The following LRP5 variants were observed in gnomAD, a reference collection of about 807,000 sequenced individuals.
LRP5 encodes low-density lipoprotein receptor-related protein 5.
In LRP5, 62 loss-of-function variants were observed where a neutral mutation model predicts 154.1. That is an observed-to-expected ratio of 0.40 (90% confidence interval 0.33 to 0.50). LRP5 has a LOEUF of 0.50. Among genes scored for constraint, LRP5 ranks in the 20% least tolerant of loss-of-function variants. The pLI is 0.55. For missense variants in LRP5, 1,915 were observed against 2,336.7 expected (o/e 0.82, Z 3.72); for synonymous variants, 966 against 1,011.5 (o/e 0.96, Z 0.85).
At chr11:68,318,989 C>T (rs2098595109) in intron 1 of LRP5, among the ~76,000 whole-genome samples, 1 of 152,176 alleles carries the variant, frequency 6.6e-6, no homozygotes, top group Admixed American at 6.5e-5. Context: ...ATCCTGAGGC[C>T]TCTGGATCGC....
At chr11:68,445,624 A>C in intron 21 of LRP5, 1 of 1,318,282 alleles carries the variant, frequency 7.6e-7, no homozygotes, top group African/African-American at 1.5e-5. Flanking sequence ...GACCCACATA[A>C]GCCCTACACC....
chr11:68,403,430 T>G, intron 7 of LRP5, 53 bp from the exon 8 acceptor site: 1 of 1,549,046 alleles, frequency 6.5e-7, no homozygotes, highest in South Asian at 1.1e-5. Flanking sequence ...CCGGGTTGGC[T>G]CTCGTTGGTG....
chr11:68,351,700 C>T (rs1336680915), intron 2 of LRP5, among the ~76,000 whole-genome samples: 1 of 152,202 alleles, frequency 6.6e-6, no homozygotes, highest in Non-Finnish European at 1.5e-5. Flanking sequence ...GGGTATAGCC[C>T]AGTCTCTGGC....
intron 13 of LRP5, among the ~76,000 whole-genome samples, chr11:68,421,332 G>A (rs533701649): frequency 1.5e-4 from 23 of 152,218 alleles, no homozygotes; most frequent in Non-Finnish European, 2.2e-4. Flanking sequence ...TTTTGTGCCC[G>A]GGAGGAGTGT....
At chr11:68,325,031 G>A (rs143975194) in intron 1 of LRP5, among the ~76,000 whole-genome samples, 98 of 152,286 alleles carry the variant, frequency 6.4e-4, no homozygotes, top group African/African-American at 2.3e-3. Context: ...TGCACAGCCC[G>A]GTTCTGACCA....
intron 1 of LRP5, among the ~76,000 whole-genome samples, chr11:68,344,297 C>T (rs1187341758): frequency 6.6e-6 from 1 of 152,074 alleles, no homozygotes. Context: ...TTATAACATC[C>T]CATTTTTTGA....
At chr11:68,377,426 A>T (rs2098637979) in intron 5 of LRP5, among the ~76,000 whole-genome samples, 1 of 152,128 alleles carries the variant, frequency 6.6e-6, no homozygotes, top group Non-Finnish European at 1.5e-5. Flanking sequence ...GGCACCGTGC[A>T]GGTGACAGTG....
chr11:68,304,502 C>A, the LRP5 span, among the ~76,000 whole-genome samples: 1 of 152,270 alleles, frequency 6.6e-6, no homozygotes, highest in East Asian at 1.9e-4. Context: ...AGAGTCCCCA[C>A]TGGGACAATG....
In LRP5 at chr11:68,448,937, C is replaced by T; in HGVS notation, c.4715C>T (p.Pro1572Leu). 6.2e-7 allele frequency: 1 copy of T among 1,613,484 alleles called. No homozygotes were observed. The highest frequency in any genetic ancestry group is 8.5e-7 in the Non-Finnish European group (1 of 1,179,992). Reference sequence around the variant, plus strand: ...CTGGATTTGAACTCGGACTCAGACCCCTATCCACCCCCACCCACGCCCCAC... The same window carrying T: ...CTGGATTTGAACTCGGACTCAGACCTCTATCCACCCCCACCCACGCCCCAC... ...YYLDLNSDSD[P>L]YPPPPTPHSQ... The change falls in exon 23 of 23, where the codon CCC (proline) becomes CTC (leucine). Residue 1572 changes from proline (P) to leucine (L), a missense_variant. Physicochemically the swap from Pro to Leu is moderately conservative, Grantham distance 98. Around this residue, in one of 3 missense-constraint regions of LRP5, gnomAD observed 1,094 missense variants for 1,210.1 expected, o/e 0.90. Coordinates refer to ENST00000294304, the MANE Select transcript of LRP5 (RefSeq NM_002335.4).
intron 21 of LRP5, 73 bp downstream of exon 21, chr11:68,439,989 C>G (rs902345358): frequency 7.2e-7 from 1 of 1,387,880 alleles, no homozygotes; most frequent in South Asian, 1.5e-5. Flanking sequence ...TGCTGGCCAC[C>G]GGAGGCTTCC....
chr11:68,333,428 T>C (rs2098604003), intron 1 of LRP5, among the ~76,000 whole-genome samples: 1 of 152,244 alleles, frequency 6.6e-6, no homozygotes, highest in South Asian at 2.1e-4. Context: ...TGAACTTTGC[T>C]GTGCTCAGAA....
rs531334905 is a variant in LRP5, at chr11:68,415,717, G to C, written c.2828-611G>C. Among the ~76,000 whole-genome samples the C allele has an allele frequency of 9.2e-5, 6 of 65,246 alleles. 2 individuals are homozygous for C. The highest frequency in any genetic ancestry group is 2.3e-4 in the Non-Finnish European group (6 of 25,644). 42.8% of individuals were successfully genotyped at this position (65,246 alleles called of 152,430 possible). A position where few individuals can be genotyped will look rare whatever the true frequency, so the allele number is the denominator to read the frequency against. On this transcript the variant is annotated intron_variant, in intron 12 of 22. Transcript: ENST00000294304. Reference sequence around the variant, plus strand: ...GCTCATTTTGTGCCACTGCACTCCAGCCTGGGCAACAAGAGCGAAACTCCA... The same window carrying C: ...GCTCATTTTGTGCCACTGCACTCCACCCTGGGCAACAAGAGCGAAACTCCA...
chr11:68,344,938 C>T (rs1004270148), intron 1 of LRP5, among the ~76,000 whole-genome samples: 11 of 132,116 alleles, frequency 8.3e-5, no homozygotes, highest in Non-Finnish European at 1.1e-4. Flanking sequence ...TCTCGGTTCA[C>T]TGCAACATCT....
rs774814837 is a variant in LRP5 at position 68,413,794 on chromosome 11, G to A, written c.2609G>A (p.Arg870Gln). 12 of 1,613,352 alleles carry A rather than the reference G, an allele frequency of 7.4e-6. No individual in the cohort carries two copies. Among genetic ancestry groups the A allele is most frequent in the African/African-American group, 2.7e-5 (2 of 74,922 alleles). Residue 870 changes from arginine to glutamine, a missense_variant, in exon 12 of 23, where the codon CGG (arginine) becomes CAG (glutamine). Physicochemically the swap from Arg to Gln is conservative, Grantham distance 43. Transcript: ENST00000294304. This position sits in a 1 kb window ranked among gnomAD's most constrained non-coding sequence, Gnocchi z 5.1. ...WTDWNLHSIE[R>Q]ADKTSGRNRT... ...GACTGGAATCTGCACAGCATTGAGC[G>A]GGCCGACAAGACTAGCGGCCGGAAC...
chr11:68,435,264 G>A (rs1354811065), intron 18 of LRP5, among the ~76,000 whole-genome samples: 1 of 152,220 alleles, frequency 6.6e-6, no homozygotes, highest in Non-Finnish European at 1.5e-5. Flanking sequence ...GCCGTGGTTA[G>A]GAATTGTCCC....
At chr11:68,318,204 G>A (rs920938832) in intron 1 of LRP5, among the ~76,000 whole-genome samples, 27 of 151,824 alleles carry the variant, frequency 1.8e-4, no homozygotes, top group South Asian at 2.1e-4. Flanking sequence ...ACAGGCACCC[G>A]CCACCACGCC....
chr11:68,377,627 C>T (rs2098638081), intron 5 of LRP5, among the ~76,000 whole-genome samples: 1 of 152,242 alleles, frequency 6.6e-6, no homozygotes, highest in Non-Finnish European at 1.5e-5. Context: ...TGGCCGCCTG[C>T]CAGCTGGGAA....
At chr11:68,350,826 G>C (rs1310418512) in intron 2 of LRP5, among the ~76,000 whole-genome samples, 1 of 152,236 alleles carries the variant, frequency 6.6e-6, no homozygotes, top group Admixed American at 6.5e-5. Flanking sequence ...GAGCCCAACA[G>C]GTTTGTGTGA....
chr11:68,443,215 C>A (rs1239721483), intron 21 of LRP5, among the ~76,000 whole-genome samples: 2 of 151,652 alleles, frequency 1.3e-5, no homozygotes, highest in Non-Finnish European at 2.9e-5. Flanking sequence ...TGTTTAAGAA[C>A]CTTTGGGCCC....
Sources: allele counts gnomAD v4.1 joint callset (sites outside exome capture counted in the v4.1 genomes callset), GRCh38; gene constraint gnomAD v4.1.1; regional missense constraint gnomAD v4.1.1; non-coding constraint Gnocchi (gnomAD v3.1); transcripts MANE v1.5; gene names NCBI Gene and HGNC (gene_info 2026-07-23, HGNC 2026-07-21).